The following SLCO3A1 variants were observed in gnomAD, a reference collection of about 807,000 sequenced individuals.
SLCO3A1 encodes PGE1 transporter.
Under a neutral mutation model 63.1 loss-of-function variants are expected in SLCO3A1, and 27 were observed. The ratio of observed to expected loss-of-function variants is 0.43; its 90% confidence interval spans 0.32 to 0.59. The LOEUF (loss-of-function observed/expected upper bound fraction) is 0.59, where lower values mean the gene tolerates loss of function less well. Among genes scored for constraint, SLCO3A1 ranks in the 20% least tolerant of loss-of-function variants. The probability of loss-of-function intolerance (pLI) is 0.09; values close to 1 mark genes in which losing one functional copy is unlikely to be tolerated. For synonymous variants in SLCO3A1, 473 were observed against 409.9 expected (o/e 1.15, Z -1.86); for missense variants, 773 against 945.8 (o/e 0.82, Z 2.40).
At position 91,894,920 on chromosome 15, in the gene SLCO3A1, G is replaced by C. The variant is rs569054354; in HGVS notation, c.181-21073G>C. On this transcript the variant is annotated intron_variant, in intron 1 of 9. Transcript: ENST00000318445. The surrounding 1 kb of genome is among the most constrained non-coding windows in gnomAD (Gnocchi z 4.8). ...AAGAACTCTCAAGAATCAAGGTTGA[G>C]TCTGTTGTTCCTAATCCATACCTGC... 2.0e-4 allele frequency among the ~76,000 whole-genome samples: 30 copies of C among 152,206 alleles called. No homozygotes were observed. Among genetic ancestry groups the C allele is most frequent in the Non-Finnish European group, 3.7e-4 (25 of 68,042 alleles).
At chr15:92,148,095 C>T (rs1003978584) in intron 8 of SLCO3A1, among the ~76,000 whole-genome samples, 1 of 152,194 alleles carries the variant, frequency 6.6e-6, no homozygotes, top group Non-Finnish European at 1.5e-5. Context: ...GTAATCCCAG[C>T]CACTTGGGAG....
chr15:92,081,626 C>A (rs1166890054), intron 2 of SLCO3A1, among the ~76,000 whole-genome samples: 1 of 152,210 alleles, frequency 6.6e-6, no homozygotes, highest in African/African-American at 2.4e-5. Context: ...CCTCGGCCTC[C>A]CAAAGTCCTG....
intron 2 of SLCO3A1, among the ~76,000 whole-genome samples, chr15:91,996,562 T>A (rs8026640): frequency 0.025 from 3,763 of 152,072 alleles, 146 homozygotes; most frequent in African/African-American, 0.086. Flanking sequence ...TGTAAGGGGA[T>A]CATACAGGAG....
chr15:91,905,953 C>T lies in SLCO3A1; in HGVS notation c.181-10040C>T, dbSNP rs137894364. On this transcript the variant is annotated intron_variant, in intron 1 of 9. Coordinates refer to ENST00000318445, the MANE Select transcript of SLCO3A1 (RefSeq NM_013272.4). ...CCCCCAAGTCGGGCCACCTTGCTGA[C>T]GCAGGGGCACAGTGCTTGGTCACTT... is the stretch of plus-strand genomic sequence containing the variant. 2.1e-3 allele frequency among the ~76,000 whole-genome samples: 325 copies of T among 152,292 alleles called. 2 individuals carry two copies. The highest frequency in any genetic ancestry group is 7.0e-3 in the African/African-American group (289 of 41,562).
intron 2 of SLCO3A1, among the ~76,000 whole-genome samples, chr15:91,943,473 A>G (rs1899692762): frequency 6.6e-6 from 1 of 152,170 alleles, no homozygotes; most frequent in Non-Finnish European, 1.5e-5. Context: ...TATTTTGTTT[A>G]TCCATTCATC....
chr15:91,881,955 T>C (rs1897600184), intron 1 of SLCO3A1, among the ~76,000 whole-genome samples: 4 of 152,186 alleles, frequency 2.6e-5, no homozygotes, highest in African/African-American at 7.2e-5. Context: ...TCTTTTACAA[T>C]TGACCCTATT....
At chr15:92,052,904 C>T (rs533051452) in intron 2 of SLCO3A1, among the ~76,000 whole-genome samples, 1 of 151,960 alleles carries the variant, frequency 6.6e-6, no homozygotes, top group East Asian at 1.9e-4. Flanking sequence ...ATCAATTTTA[C>T]CTGTTTCCTT....
downstream of SLCO3A1, among the ~76,000 whole-genome samples, chr15:92,168,671 G>A (rs1416078764): frequency 6.6e-6 from 1 of 152,164 alleles, no homozygotes; most frequent in East Asian, 1.9e-4. Flanking sequence ...TACATAGGAA[G>A]GGACCCTGAG....
At chr15:92,044,570 C>T (rs1331733816) in intron 2 of SLCO3A1, among the ~76,000 whole-genome samples, 4 of 152,152 alleles carry the variant, frequency 2.6e-5, no homozygotes, top group African/African-American at 9.7e-5. Context: ...TCTGGAGCTC[C>T]TTCCTCCAGA....
chr15:91,915,392 T>C (rs929796103), intron 1 of SLCO3A1, among the ~76,000 whole-genome samples: 3 of 152,308 alleles, frequency 2.0e-5, no homozygotes. Flanking sequence ...AGGGGTGTAT[T>C]TACCTGATGG....
intron 2 of SLCO3A1, among the ~76,000 whole-genome samples, chr15:92,052,035 C>T (rs145256767): frequency 3.9e-4 from 59 of 152,226 alleles, no homozygotes; most frequent in African/African-American, 1.1e-3. Context: ...TCCTAATCCC[C>T]GGGCTCCAGG....
Position 92,024,219 on chromosome 15 carries a change from G to A in SLCO3A1, c.647-70662G>A, listed in dbSNP as rs1037656897. ...AATCCCCACTTCCATACATATCATGGGCAGAGTTCATCTCAGTGTTTTTTT... is the reference window on the plus strand; with the variant it reads ...AATCCCCACTTCCATACATATCATGAGCAGAGTTCATCTCAGTGTTTTTTT... On this transcript the variant is annotated intron_variant, in intron 2 of 9. Transcript: ENST00000318445. Among the ~76,000 whole-genome samples the A allele has an allele frequency of 5.8e-4, 89 of 152,204 alleles. 5 individuals carry two copies. The highest frequency in any genetic ancestry group is 5.9e-5 in the Non-Finnish European group (4 of 68,040).
intron 1 of SLCO3A1, among the ~76,000 whole-genome samples, chr15:91,876,047 G>T (rs1897391226): frequency 6.6e-6 from 1 of 152,218 alleles, no homozygotes; most frequent in Non-Finnish European, 1.5e-5. Flanking sequence ...GCTCACACCT[G>T]TAATCCCAGA....
chr15:91,974,265 G>GTTGTTGTTGTTGTTATTATTATTATTA (rs147991710), intron 2 of SLCO3A1, among the ~76,000 whole-genome samples: 3 of 142,958 alleles, frequency 2.1e-5, no homozygotes, highest in East Asian at 4.1e-4. Context: ...TTTCATTATT[G>GTTGTTGTTGTTGTTATTATTATTATTA]TTATTATTAT....
chr15:92,108,419 C>G (rs1200297570), intron 4 of SLCO3A1, among the ~76,000 whole-genome samples: 1 of 152,220 alleles, frequency 6.6e-6, no homozygotes, highest in African/African-American at 2.4e-5. Flanking sequence ...CCTCCCCTTT[C>G]CTACATGGTA....
intron 8 of SLCO3A1, among the ~76,000 whole-genome samples, chr15:92,148,330 GCACCT>G (rs1465086418): frequency 6.6e-6 from 1 of 152,182 alleles, no homozygotes; most frequent in Non-Finnish European, 1.5e-5. Flanking sequence ...CAGTGTCCAT[GCACCT>G]CACCTCTACT....
chr15:91,908,960 CTGAGGCAGGAGAA>C (rs1898398380), intron 1 of SLCO3A1, among the ~76,000 whole-genome samples: 1 of 152,142 alleles, frequency 6.6e-6, no homozygotes, highest in Non-Finnish European at 1.5e-5. Flanking sequence ...ACTCAGGAGG[CTGAGGCAGGAGAA>C]TTGCTTGAAT....
Position 91,915,982 on chromosome 15 carries a change from G to A in SLCO3A1, c.181-11G>A. ...TGGATTGGCTCTGACCTTTCTTCTTGCCCCCCTCAGGTGAGCGTCCTGACC... is the reference window on the plus strand; with the variant it reads ...TGGATTGGCTCTGACCTTTCTTCTTACCCCCCTCAGGTGAGCGTCCTGACC... On this transcript the variant is annotated splice_polypyrimidine_tract_variant and intron_variant, in intron 1 of 9. Transcript: ENST00000318445. 6.2e-7 allele frequency: 1 copy of A among 1,604,254 alleles called. No homozygotes were observed. The highest frequency in any genetic ancestry group is 8.5e-7 in the Non-Finnish European group (1 of 1,174,932).
chr15:92,088,593 C>T (rs1181896539), intron 2 of SLCO3A1, among the ~76,000 whole-genome samples: 2 of 152,158 alleles, frequency 1.3e-5, no homozygotes, highest in Admixed American at 1.3e-4. Flanking sequence ...TACTGGGCTA[C>T]AATCAAGGTG....
Sources: allele counts gnomAD v4.1 joint callset (sites outside exome capture counted in the v4.1 genomes callset), GRCh38; gene constraint gnomAD v4.1.1; non-coding constraint Gnocchi (gnomAD v3.1); transcripts MANE v1.5; gene names NCBI Gene and HGNC (gene_info 2026-07-23, HGNC 2026-07-21).